Variants in CNTNAP2 observed in about 807,000 individuals in gnomAD.
CNTNAP2 encodes the protein contactin-associated protein-like 2.
A neutral mutation model predicts 155.2 loss-of-function variants in CNTNAP2; 98 were observed. The ratio of observed to expected loss-of-function variants is 0.63; its 90% confidence interval spans 0.54 to 0.75. CNTNAP2 has a LOEUF of 0.75. CNTNAP2 is among the 30% of genes least tolerant of loss of function. The probability of loss-of-function intolerance (pLI) is 0.00; values close to 1 mark genes in which losing one functional copy is unlikely to be tolerated. For missense variants in CNTNAP2, 1,727 were observed against 1,688.1 expected, an observed-to-expected ratio of 1.02 and a Z score of -0.40; for synonymous variants, 651 against 631.2, an observed-to-expected ratio of 1.03 and a Z score of -0.47.
intron 13 of CNTNAP2, among the ~76,000 whole-genome samples, chr7:147,645,330 T>C (rs1795349231): frequency 6.6e-6 from 1 of 152,180 alleles, no homozygotes; most frequent in East Asian, 1.9e-4. Flanking sequence ...GCTGCAGCAT[T>C]TAACTCTTAA....
intron 3 of CNTNAP2, among the ~76,000 whole-genome samples, chr7:146,992,159 CAG>C (rs1288496343): frequency 2.0e-5 from 3 of 151,924 alleles, no homozygotes; most frequent in African/African-American, 4.8e-5. Context: ...TATTTAGAAA[CAG>C]AAATCCTTTT....
intron 1 of CNTNAP2, among the ~76,000 whole-genome samples, chr7:146,411,783 T>G (rs1795868080): frequency 6.6e-6 from 1 of 151,652 alleles, no homozygotes; most frequent in Non-Finnish European, 1.5e-5. Flanking sequence ...ATTTGAAACA[T>G]GATCAACATT....
At chr7:146,480,594 A>T (rs968263472) in intron 1 of CNTNAP2, among the ~76,000 whole-genome samples, 4 of 151,322 alleles carry the variant, frequency 2.6e-5, no homozygotes, top group African/African-American at 9.7e-5. Context: ...ACTGTCAATT[A>T]CACAAATACT....
chr7:146,464,275 G>GTT (rs1278411834), intron 1 of CNTNAP2, among the ~76,000 whole-genome samples: 3 of 139,896 alleles, frequency 2.1e-5, no homozygotes, highest in Non-Finnish European at 4.6e-5. Context: ...TAGAAGTAAA[G>GTT]TTTTTAAGGC....
At chr7:146,934,409 G>A (rs1370892358) in intron 3 of CNTNAP2, among the ~76,000 whole-genome samples, 2 of 143,510 alleles carry the variant, frequency 1.4e-5, no homozygotes, top group East Asian at 2.1e-4. Flanking sequence ...CATGGACACA[G>A]GAAGGGGACC....
At chr7:147,401,366 A>G (rs1311918696) in intron 10 of CNTNAP2, among the ~76,000 whole-genome samples, 1 of 152,190 alleles carries the variant, frequency 6.6e-6, no homozygotes, top group Non-Finnish European at 1.5e-5. Flanking sequence ...TCTTCATTAT[A>G]TTTTTGGATG....
chr7:146,983,633 A>G (rs982967991), intron 3 of CNTNAP2, among the ~76,000 whole-genome samples: 3 of 152,174 alleles, frequency 2.0e-5, no homozygotes, highest in African/African-American at 7.2e-5. Context: ...GGGTGTACCC[A>G]TAGTAAGCAT....
At chr7:148,082,961 C>T (rs1445611149) in intron 15 of CNTNAP2, among the ~76,000 whole-genome samples, 1 of 151,952 alleles carries the variant, frequency 6.6e-6, no homozygotes, top group Non-Finnish European at 1.5e-5. Flanking sequence ...ACAGGCGTGA[C>T]CCACTGCACC....
intron 1 of CNTNAP2, among the ~76,000 whole-genome samples, chr7:146,458,894 A>G (rs1186933393): frequency 6.6e-6 from 1 of 152,118 alleles, no homozygotes; most frequent in Non-Finnish European, 1.5e-5. Context: ...TGGCTGAGCT[A>G]ATTCCTTATA....
In CNTNAP2 at chr7:146,727,016, T is replaced by C. The variant is rs565375003; in HGVS notation, c.98-47255T>C. On this transcript the variant is annotated intron_variant, in intron 1 of 23. Transcript: ENST00000361727. ...GGGAATTATAGGGATAAGGAAGAGA[T>C]TGATTTTTGCTTTTTTTTCTGCTGA... 9.2e-5 allele frequency among the ~76,000 whole-genome samples: 14 copies of C among 152,218 alleles called. No homozygotes were observed. In the East Asian group the frequency reaches 1.5e-3, roughly 17 times the overall value.
intron 15 of CNTNAP2, among the ~76,000 whole-genome samples, chr7:148,106,250 T>G (rs1222439182): frequency 6.6e-6 from 1 of 152,186 alleles, no homozygotes; most frequent in African/African-American, 2.4e-5. Context: ...AGTTTAAGGC[T>G]AAAATAGGCA....
intron 10 of CNTNAP2, among the ~76,000 whole-genome samples, chr7:147,421,585 C>CTGTG (rs55983110): frequency 0.033 from 4,757 of 143,536 alleles, 252 homozygotes; most frequent in African/African-American, 0.12. Context: ...TCTATCTAAT[C>CTGTG]TGTGTGTGTG....
intron 1 of CNTNAP2, among the ~76,000 whole-genome samples, chr7:146,475,321 A>G (rs1341143790): frequency 6.6e-6 from 1 of 152,226 alleles, no homozygotes. Context: ...GGGAGAAGAT[A>G]TGAATTGGTA....
intron 15 of CNTNAP2, among the ~76,000 whole-genome samples, chr7:148,111,470 T>A: frequency 6.9e-6 from 1 of 144,904 alleles, no homozygotes. Context: ...GTATTGAAAA[T>A]AAAGCTGAGG....
At chr7:147,474,750 A>C (rs7782093) in intron 10 of CNTNAP2, among the ~76,000 whole-genome samples, 118,460 of 152,002 alleles carry the variant, frequency 0.78, 46,523 homozygotes, top group African/African-American at 0.87. Flanking sequence ...AAAATGCATA[A>C]CCTGACCTAA....
intron 9 of CNTNAP2, among the ~76,000 whole-genome samples, chr7:147,392,186 G>C (rs1178897438): frequency 2.6e-5 from 4 of 151,900 alleles, no homozygotes; most frequent in Non-Finnish European, 1.5e-5. Flanking sequence ...CTTCCTTTAA[G>C]TCATTACAGC....
intron 1 of CNTNAP2, among the ~76,000 whole-genome samples, chr7:146,138,389 G>T (rs954947141): frequency 7.2e-5 from 11 of 151,988 alleles, no homozygotes; most frequent in African/African-American, 2.7e-4. Flanking sequence ...TGATAAATTT[G>T]TTGTTGTTAT....
intron 1 of CNTNAP2, among the ~76,000 whole-genome samples, chr7:146,625,340 T>G (rs1799401052): frequency 6.7e-6 from 1 of 148,462 alleles, no homozygotes; most frequent in South Asian, 2.1e-4. Flanking sequence ...ACTGGGGTAT[T>G]AGAAAAGACT....
chr7:148,143,678 C>T (rs1347642413), intron 16 of CNTNAP2, among the ~76,000 whole-genome samples: 1 of 152,084 alleles, frequency 6.6e-6, no homozygotes, highest in Non-Finnish European at 1.5e-5. Context: ...GACCCTGTCT[C>T]AAAAAATACA....
Sources: allele counts gnomAD v4.1 joint callset (sites outside exome capture counted in the v4.1 genomes callset), GRCh38; gene constraint gnomAD v4.1.1; transcripts MANE v1.5; gene names NCBI Gene and HGNC (gene_info 2026-07-23, HGNC 2026-07-21).